POC1B: variants seen among roughly 807,000 people sequenced by gnomAD.
The protein encoded by POC1B is POC1 centriolar protein homolog B.
A neutral mutation model predicts 60.6 loss-of-function variants in POC1B; 44 were observed. That is an observed-to-expected ratio of 0.73 (90% CI 0.57 to 0.93). The LOEUF is 0.93. Ranked by LOEUF, POC1B falls within the 40% of genes least tolerant of loss-of-function variation. POC1B has a pLI of 0.00. For missense variants in POC1B, 555 were observed against 572.3 expected, an observed-to-expected ratio of 0.97 and a Z score of 0.31; for synonymous variants, 180 against 198.9, an observed-to-expected ratio of 0.90 and a Z score of 0.80.
At chr12:89,449,175 G>A (rs147274797) in intron 10 of POC1B, among the ~76,000 whole-genome samples, 1 of 152,316 alleles carries the variant, frequency 6.6e-6, no homozygotes, top group African/African-American at 2.4e-5. Context: ...GTCCTCTGAG[G>A]TTGTTTAATC....
intron 2 of POC1B, chr12:89,500,453 C>T: frequency 1.3e-6 from 2 of 1,563,188 alleles, no homozygotes; most frequent in Non-Finnish European, 1.8e-6. Context: ...TCAGAAAATT[C>T]TGGCAACTGA....
At chr12:89,428,916 T>A (rs1279225246) in intron 10 of POC1B, 1 of 152,080 alleles carries the variant, frequency 6.6e-6, no homozygotes, top group Non-Finnish European at 1.5e-5. Flanking sequence ...ACCAAGACAG[T>A]TTTTTTGAAA....
chr12:89,475,907 A>ATTTTTTT (rs1246340648), intron 4 of POC1B, among the ~76,000 whole-genome samples: 1 of 106,786 alleles, frequency 9.4e-6, no homozygotes, highest in African/African-American at 4.1e-5. Flanking sequence ...GAATGAGGGA[A>ATTTTTTT]TTCTTTTTTT....
chr12:89,488,160 C>T (rs190020581), intron 4 of POC1B, among the ~76,000 whole-genome samples: 1 of 37,576 alleles, frequency 2.7e-5, no homozygotes, highest in Non-Finnish European at 5.5e-5. Context: ...TGATTCAATA[C>T]AACGACAACG....
At chr12:89,491,167 C>A (rs750037738) in intron 4 of POC1B, among the ~76,000 whole-genome samples, 15 of 152,196 alleles carry the variant, frequency 9.9e-5, no homozygotes, top group Non-Finnish European at 1.0e-4. Flanking sequence ...AGCCACCAGG[C>A]TCTGCCTCAG....
intron 2 of POC1B, among the ~76,000 whole-genome samples, chr12:89,511,690 C>A (rs1393233010): frequency 6.6e-6 from 1 of 152,080 alleles, no homozygotes; most frequent in African/African-American, 2.4e-5. Flanking sequence ...CTAAAGAAAT[C>A]TATGAGAATG....
rs1565751061 is a variant in POC1B at position 89,499,571 on chromosome 12, TCTCATGA to T, written c.101-2236_101-2230del. 2.0e-4 allele frequency among the ~76,000 whole-genome samples: 30 copies of T among 151,824 alleles called. No homozygotes were observed. The South Asian group carries it at 4.6e-3, about 23-fold the overall frequency. ...TACTCTAGATTTTGAGCAGGGGCAA[TCTCATGA>T]TCTGGTTTAAGAACACTGCCACTTT... On this transcript the variant is annotated intron_variant, in intron 2 of 11. Coordinates refer to ENST00000313546, the MANE Select transcript of POC1B (RefSeq NM_172240.3).
At chr12:89,409,668 T>C in the POC1B span, among the ~76,000 whole-genome samples, 1 of 152,240 alleles carries the variant, frequency 6.6e-6, no homozygotes, top group Non-Finnish European at 1.5e-5. Context: ...TAGAGAATAC[T>C]ATAAACACCT....
the POC1B span, among the ~76,000 whole-genome samples, chr12:89,410,040 G>A: frequency 1.9e-4 from 29 of 152,114 alleles, no homozygotes; most frequent in African/African-American, 6.8e-4. Context: ...GATGAACATC[G>A]ATGTGAAAAT....
intron 10 of POC1B, among the ~76,000 whole-genome samples, chr12:89,458,736 G>A (rs1459515168): frequency 6.6e-6 from 1 of 152,136 alleles, no homozygotes; most frequent in Non-Finnish European, 1.5e-5. Flanking sequence ...AATTAAAAAT[G>A]TACCCAAAAT....
chr12:89,435,479 C>A (rs1881217820), intron 10 of POC1B, among the ~76,000 whole-genome samples: 1 of 152,120 alleles, frequency 6.6e-6, no homozygotes, highest in Non-Finnish European at 1.5e-5. Flanking sequence ...CCGTGCCCAG[C>A]CACAATAGCA....
At chr12:89,496,043 G>A (rs1269803274) in intron 3 of POC1B, among the ~76,000 whole-genome samples, 3 of 152,104 alleles carry the variant, frequency 2.0e-5, no homozygotes, top group Admixed American at 6.5e-5. Flanking sequence ...TTACAGGCGT[G>A]AGCCACTGTG....
chr12:89,524,254 C>T, intron 2 of POC1B: 1 of 1,613,974 alleles, frequency 6.2e-7, no homozygotes, highest in Non-Finnish European at 8.5e-7. Context: ...GATGGCGTAT[C>T]TCTCAATGAG....
At chr12:89,517,364 G>A (rs1870490063) in intron 2 of POC1B, among the ~76,000 whole-genome samples, 1 of 152,150 alleles carries the variant, frequency 6.6e-6, no homozygotes, top group African/African-American at 2.4e-5. Context: ...TGGGTGCAGT[G>A]GCTCACAACT....
intron 2 of POC1B, among the ~76,000 whole-genome samples, chr12:89,514,267 G>A (rs972233286): frequency 2.0e-5 from 3 of 151,964 alleles, no homozygotes; most frequent in Non-Finnish European, 2.9e-5. Flanking sequence ...TGTAAGATGT[G>A]CCTGCTTCTC....
chr12:89,508,326 A>G (rs911766458), intron 2 of POC1B, among the ~76,000 whole-genome samples: 2 of 152,224 alleles, frequency 1.3e-5, no homozygotes, highest in Non-Finnish European at 2.9e-5. Flanking sequence ...TTAAGCTTAC[A>G]GAAAAATTAC....
chr12:89,407,157 A>G, the POC1B span, among the ~76,000 whole-genome samples: 1 of 151,130 alleles, frequency 6.6e-6, no homozygotes, highest in Non-Finnish European at 1.5e-5. Flanking sequence ...TCAAAAAAAA[A>G]AAAAAAAAAA....
chr12:89,514,437 C>A (rs1232801939), intron 2 of POC1B, among the ~76,000 whole-genome samples: 1 of 81,924 alleles, frequency 1.2e-5, no homozygotes, highest in African/African-American at 4.6e-5. Context: ...TAGACGAAGT[C>A]TTACTCTGTC....
In POC1B at chr12:89,492,240, A is replaced by G. The variant is rs1346518178; in HGVS notation, c.273-125T>C. The G allele has an allele frequency of 1.2e-5, 9 of 774,824 alleles. No homozygotes were observed. In the East Asian group the frequency reaches 2.4e-4, roughly 20 times the overall value. 48.0% of individuals were successfully genotyped at this position (774,824 alleles called of 1,614,324 possible). A position where few individuals can be genotyped will look rare whatever the true frequency, so the allele number is the denominator to read the frequency against. On this transcript the variant is annotated intron_variant, in intron 3 of 11. Coordinates refer to ENST00000313546, the MANE Select transcript of POC1B (RefSeq NM_172240.3). ...AAATGGTTTAACTCTTGTAAAACCT[A>G]ACAAAAGTATGAAAGGGCTATGTTG...
Sources: gnomAD v4.1 joint callset for allele counts (sites outside exome capture counted in the v4.1 genomes callset) on GRCh38, gnomAD v4.1.1 for gene constraint, MANE v1.5 for transcripts, NCBI Gene and HGNC (gene_info 2026-07-23, HGNC 2026-07-21) for gene names.